ZNF804A: variants seen among roughly 807,000 people sequenced by gnomAD.
ZNF804A encodes the protein zinc finger protein 804A.
ZNF804A carries 2 observed loss-of-function variants against 16.5 expected under a neutral mutation model. The ratio of observed to expected loss-of-function variants is 0.12; its 90% CI spans 0.05 to 0.38. ZNF804A has a LOEUF of 0.38. Among genes scored for constraint, ZNF804A ranks in the 10% least tolerant of loss-of-function variants. The pLI is 0.99. For missense variants in ZNF804A, 1,473 were observed against 1,390.7 expected, an observed-to-expected ratio of 1.06 and a Z score of -0.94; for synonymous variants, 534 against 489.6, an observed-to-expected ratio of 1.09 and a Z score of -1.20.
chr2:184,894,401 C>A (rs1182623825), intron 2 of ZNF804A, among the ~76,000 whole-genome samples: 1 of 151,942 alleles, frequency 6.6e-6, no homozygotes, highest in East Asian at 1.9e-4. Context: ...ATATTTTAAT[C>A]ATTACTGATA....
intron 1 of ZNF804A, among the ~76,000 whole-genome samples, chr2:184,757,271 G>T (rs1207155961): frequency 6.6e-6 from 1 of 151,956 alleles, no homozygotes. Context: ...TTTGTTCCAT[G>T]AATCAAAAGG....
chr2:184,706,072 A>G (rs1289787295), intron 1 of ZNF804A, among the ~76,000 whole-genome samples: 1 of 152,168 alleles, frequency 6.6e-6, no homozygotes. Context: ...ACCCCCATAC[A>G]GTGAGCTCTA....
At chr2:184,725,097 G>C (rs545769527) in intron 1 of ZNF804A, among the ~76,000 whole-genome samples, 1 of 151,598 alleles carries the variant, frequency 6.6e-6, no homozygotes, top group Non-Finnish European at 1.5e-5. Context: ...TAGCTACTAG[G>C]ACTAGTTCTG....
chr2:184,798,154 C>G (rs779259248), intron 1 of ZNF804A, among the ~76,000 whole-genome samples: 7 of 151,682 alleles, frequency 4.6e-5, no homozygotes, highest in Non-Finnish European at 1.0e-4. Flanking sequence ...GTTCTTTTGT[C>G]TGACAGCTCT....
chr2:184,766,935 G>A (rs1354836332), intron 1 of ZNF804A, among the ~76,000 whole-genome samples: 1 of 152,066 alleles, frequency 6.6e-6, no homozygotes, highest in African/African-American at 2.4e-5. Flanking sequence ...TTTAGGGAAA[G>A]GCCATAATCC....
In ZNF804A at chr2:184,938,629, G is replaced by A; in HGVS notation, c.3233G>A (p.Ser1078Asn). Residue 1078 changes from serine to asparagine, a missense_variant, in exon 4 of 4, where the codon AGC becomes AAC. Ser to Asn is a conservative substitution (Grantham distance 46). Transcript: ENST00000302277. ...CCTCCAGCTGCCCTCCCACCCCCTA[G>A]CACACCTCTGCAGCCTTTGCCTTTG... is the stretch of plus-strand genomic sequence containing the variant. ...TFPPAALPPP[S>N]TPLQPLPLQQ... 1 of 1,613,792 alleles carries A rather than the reference G, an allele frequency of 6.2e-7. No individual in the cohort carries two copies. The highest frequency in any genetic ancestry group is 8.5e-7 in the Non-Finnish European group (1 of 1,179,938).
intron 1 of ZNF804A, among the ~76,000 whole-genome samples, chr2:184,725,961 A>G (rs538555086): frequency 5.3e-5 from 8 of 151,854 alleles, no homozygotes; most frequent in Admixed American, 3.9e-4. Flanking sequence ...GCATTCATTT[A>G]GAGATGATAG....
At chr2:184,713,914 G>A (rs1233092951) in intron 1 of ZNF804A, among the ~76,000 whole-genome samples, 1 of 151,930 alleles carries the variant, frequency 6.6e-6, no homozygotes. Context: ...AAAATAATAT[G>A]CATGGGAAAT....
chr2:184,857,474 T>C (rs1300026160), intron 1 of ZNF804A, among the ~76,000 whole-genome samples: 3 of 152,184 alleles, frequency 2.0e-5, no homozygotes, highest in Non-Finnish European at 4.4e-5. Context: ...TAATACTCCG[T>C]ACATGTTGGT....
intron 1 of ZNF804A, among the ~76,000 whole-genome samples, chr2:184,650,666 C>G (rs1251547419): frequency 2.0e-5 from 3 of 151,980 alleles, no homozygotes; most frequent in Non-Finnish European, 4.4e-5. Flanking sequence ...AAACCAAGAA[C>G]ACAATCCCAT....
chr2:184,850,985 T>C (rs1220212605), intron 1 of ZNF804A, among the ~76,000 whole-genome samples: 1 of 151,786 alleles, frequency 6.6e-6, no homozygotes, highest in Non-Finnish European at 1.5e-5. Context: ...AGCGGTTATT[T>C]TAATAATATA....
intron 1 of ZNF804A, among the ~76,000 whole-genome samples, chr2:184,672,000 C>T (rs542952905): frequency 6.6e-6 from 1 of 152,324 alleles, no homozygotes; most frequent in East Asian, 1.9e-4. Context: ...TGGTTCTCTT[C>T]ACTTACACAG....
intron 1 of ZNF804A, among the ~76,000 whole-genome samples, chr2:184,682,420 C>A (rs1692557336): frequency 6.6e-6 from 1 of 152,068 alleles, no homozygotes. Context: ...TGGAGTACTT[C>A]CAGTTATACA....
At chr2:184,697,880 G>T (rs1036122182) in intron 1 of ZNF804A, among the ~76,000 whole-genome samples, 2 of 151,974 alleles carry the variant, frequency 1.3e-5, no homozygotes, top group Non-Finnish European at 2.9e-5. Flanking sequence ...TGTTTCACTG[G>T]AGACATTGTT....
intron 1 of ZNF804A, among the ~76,000 whole-genome samples, chr2:184,846,449 G>A (rs1383137963): frequency 7.2e-5 from 11 of 152,022 alleles, no homozygotes; most frequent in Admixed American, 4.6e-4. Flanking sequence ...ATAATCTACA[G>A]TGAGACTCTT....
intron 1 of ZNF804A, among the ~76,000 whole-genome samples, chr2:184,722,281 G>A (rs1337936374): frequency 2.0e-5 from 3 of 152,048 alleles, no homozygotes; most frequent in African/African-American, 4.8e-5. Flanking sequence ...AACAATGTAA[G>A]TAAATCATCC....
chr2:184,598,785 C>T lies in ZNF804A; in HGVS notation c.-175C>T. The T allele has an allele frequency of 2.6e-6, 1 of 385,790 alleles. No homozygotes were observed. The highest frequency in any genetic ancestry group is 6.9e-4 in the Middle Eastern group (1 of 1,458). 23.9% of individuals were successfully genotyped at this position (385,790 alleles called of 1,614,324 possible). On this transcript the variant is annotated 5_prime_UTR_variant, in exon 1 of 4. Transcript: ENST00000302277. ...GGCGAGCATGCGGAGGCGGGGGAGCCTCGGCGCTCACCACAGAGGGGTGCA... is the reference window on the plus strand; with the variant it reads ...GGCGAGCATGCGGAGGCGGGGGAGCTTCGGCGCTCACCACAGAGGGGTGCA...
intron 1 of ZNF804A, among the ~76,000 whole-genome samples, chr2:184,621,043 A>C (rs1347500684): frequency 6.6e-6 from 1 of 151,624 alleles, no homozygotes; most frequent in Non-Finnish European, 1.5e-5. Flanking sequence ...ATAACAGACG[A>C]ACATAAACAA....
At chr2:184,829,531 T>G (rs1034269144) in intron 1 of ZNF804A, among the ~76,000 whole-genome samples, 5 of 152,046 alleles carry the variant, frequency 3.3e-5, no homozygotes, top group African/African-American at 1.2e-4. Flanking sequence ...AAGATGATAC[T>G]TATTTCTGAT....
Sources: gnomAD v4.1 joint callset for allele counts (sites outside exome capture counted in the v4.1 genomes callset) on GRCh38, gnomAD v4.1.1 for gene constraint, MANE v1.5 for transcripts, NCBI Gene and HGNC (gene_info 2026-07-23, HGNC 2026-07-21) for gene names.